ARHGAP17: variants seen among roughly 807,000 people sequenced by gnomAD.
The protein encoded by ARHGAP17 is rho GTPase-activating protein 17.
ARHGAP17 carries 57 observed loss-of-function variants against 99.5 expected under a neutral mutation model. That is an observed-to-expected ratio of 0.57 (90% CI 0.46 to 0.71). The LOEUF is 0.71. Among genes scored for constraint, ARHGAP17 ranks in the 30% least tolerant of loss-of-function variants. The probability of loss-of-function intolerance (pLI) is 0.00; values close to 1 mark genes in which losing one functional copy is unlikely to be tolerated. For missense variants in ARHGAP17, 1,000 were observed against 1,122.4 expected (o/e 0.89, Z 1.56); for synonymous variants, 417 against 429.6 (o/e 0.97, Z 0.36).
rs368706340 is a variant in ARHGAP17, at chr16:24,952,716, T to C, written c.964+215A>G. ...AATATTTGCATTATAAGCTACTCTC[T>C]CTTTTAATCATCAAAATAGAAAAAC... is the stretch of plus-strand genomic sequence containing the variant. On this transcript the variant is annotated intron_variant, in intron 11 of 19. Coordinates refer to ENST00000289968, the MANE Select transcript of ARHGAP17 (RefSeq NM_001006634.3). Among the ~76,000 whole-genome samples, 166 of 152,310 alleles carry C rather than the reference T, an allele frequency of 1.1e-3. 4 individuals are homozygous for C. The highest frequency in any genetic ancestry group is 3.8e-3 in the African/African-American group (157 of 41,572).
In ARHGAP17 at chr16:24,964,201, C is replaced by T; in HGVS notation, c.569G>A (p.Cys190Tyr). 1 of 1,601,712 alleles carries T rather than the reference C, an allele frequency of 6.2e-7. No homozygotes were observed. The highest frequency in any genetic ancestry group is 1.3e-5 in the African/African-American group (1 of 74,624). ...TTTATCAAGGAATTCTCATACCTTG[C>T]ACTGTTCTACTTTATTTCCAGCTTC... ...MDEAGNKVEQ[C>Y]KDQLAADMYN... is the part of the protein sequence containing the mutation. Residue 190 changes from cysteine (C) to tyrosine (Y), a missense_variant, in exon 7 of 20, where the codon TGC (cysteine) becomes TAC (tyrosine). Cys to Tyr is a radical substitution (Grantham distance 194). Around this residue, in one of 2 missense-constraint regions of ARHGAP17, gnomAD observed 472 missense variants for 611.1 expected, o/e 0.77. Coordinates refer to ENST00000289968, the MANE Select transcript of ARHGAP17 (RefSeq NM_001006634.3).
chr16:24,925,194 T>TA (rs2050809373), intron 19 of ARHGAP17, among the ~76,000 whole-genome samples: 1 of 151,960 alleles, frequency 6.6e-6, no homozygotes, highest in Non-Finnish European at 1.5e-5. Context: ...GCCTGGCCAA[T>TA]ATGGCAAAAC....
intron 17 of ARHGAP17, 68 bp from the exon 18 acceptor site, chr16:24,935,707 T>G (rs765503585): frequency 6.6e-7 from 1 of 1,514,528 alleles, no homozygotes; most frequent in South Asian, 1.1e-5. Flanking sequence ...ATACTGCACA[T>G]AAAACATAAG....
intron 10 of ARHGAP17, among the ~76,000 whole-genome samples, 175 bp downstream of exon 10, chr16:24,954,428 G>A (rs1254037662): frequency 6.6e-6 from 1 of 152,196 alleles, no homozygotes; most frequent in African/African-American, 2.4e-5. Context: ...GAACAGGGTT[G>A]CAATTTAAAA....
At chr16:24,937,459 AAAAC>A (rs1405416799) in intron 17 of ARHGAP17, among the ~76,000 whole-genome samples, 2 of 152,070 alleles carry the variant, frequency 1.3e-5, no homozygotes, top group African/African-American at 4.8e-5. Flanking sequence ...ATAAAAATAA[AAAAC>A]AAAACCAAGA....
chr16:24,952,434 T>G (rs2051672105), intron 11 of ARHGAP17, 64 bp from the exon 12 acceptor site: 3 of 1,323,538 alleles, frequency 2.3e-6, no homozygotes, highest in Admixed American at 2.0e-5. Flanking sequence ...TTGGGACATA[T>G]TATTTTGCAA....
chr16:24,920,335 A>G, intron 19 of ARHGAP17, 75 bp from the exon 20 acceptor site: 3 of 1,572,042 alleles, frequency 1.9e-6, no homozygotes, highest in South Asian at 1.1e-5. Flanking sequence ...TGCTCTGAGA[A>G]GAAGAGAGGC....
chr16:25,006,420 A>C (rs1433761012), intron 1 of ARHGAP17, among the ~76,000 whole-genome samples: 2 of 150,946 alleles, frequency 1.3e-5, no homozygotes, highest in Non-Finnish European at 3.0e-5. Flanking sequence ...ACTGCACTCC[A>C]GACTGAGTGA....
chr16:24,920,234 G>A lies in ARHGAP17; in HGVS notation c.2542C>T (p.His848Tyr). 6.2e-7 allele frequency: 1 copy of A among 1,614,116 alleles called. No individual in the cohort carries two copies. Among genetic ancestry groups the A allele is most frequent in the African/African-American group, 1.3e-5 (1 of 75,032 alleles). Reference sequence around the variant, plus strand: ...TGCATTTCAGGAAAGATGCTGCGATGCGGTTCTGAAACCCTGGAATTGGAG... The same window carrying A: ...TGCATTTCAGGAAAGATGCTGCGATACGGTTCTGAAACCCTGGAATTGGAG... ...TDSNSRVSEP[H>Y]RSIFPEMHSD... is the part of the protein sequence containing the mutation. The change falls in exon 20 of 20, where the codon CAT becomes TAT. Residue 848 changes from histidine (H) to tyrosine (Y), a missense_variant. His to Tyr is a moderately conservative substitution (Grantham distance 83). Around this residue, in one of 2 missense-constraint regions of ARHGAP17, gnomAD observed 528 missense variants for 511.4 expected, o/e 1.03. Coordinates refer to ENST00000289968, the MANE Select transcript of ARHGAP17 (RefSeq NM_001006634.3).
chr16:24,962,519 A>T lies in ARHGAP17; in HGVS notation c.573+1678T>A, dbSNP rs2052042257. Among the ~76,000 whole-genome samples, 3 of 152,330 alleles carry T rather than the reference A, an allele frequency of 2.0e-5. No individual in the cohort carries two copies. The South Asian group carries it at 6.2e-4, about 32-fold the overall frequency. The stretch of plus-strand genomic sequence containing the variant: ...GGGTTTAAAGTTTAAATTTACTGAC[A>T]TGTGGTCCCAGAAACCCCAAACTGA... On this transcript the variant is annotated intron_variant, in intron 7 of 19. Transcript: ENST00000289968.
At chr16:24,969,641 C>A (rs1420013804) in intron 4 of ARHGAP17, among the ~76,000 whole-genome samples, 1 of 152,206 alleles carries the variant, frequency 6.6e-6, no homozygotes, top group Non-Finnish European at 1.5e-5. Flanking sequence ...ACACTTATAA[C>A]CATGCTAGCA....
chr16:24,988,770 G>C (rs2052948631), intron 1 of ARHGAP17, among the ~76,000 whole-genome samples: 1 of 152,210 alleles, frequency 6.6e-6, no homozygotes, highest in Admixed American at 6.5e-5. Flanking sequence ...CACGTGGCCT[G>C]TCTCAAAGCT....
At chr16:24,977,532 C>G in intron 2 of ARHGAP17, 1 of 375,216 alleles carries the variant, frequency 2.7e-6, no homozygotes, top group Non-Finnish European at 4.7e-6. Flanking sequence ...ATGAATGATC[C>G]GGGCCCAGAC....
intron 2 of ARHGAP17, among the ~76,000 whole-genome samples, chr16:24,978,654 T>C (rs1308308615): frequency 6.6e-6 from 1 of 151,934 alleles, no homozygotes; most frequent in African/African-American, 2.4e-5. Context: ...TAACAACCTG[T>C]GAGGTGGATA....
chr16:24,995,181 G>A (rs148476415), intron 1 of ARHGAP17, among the ~76,000 whole-genome samples: 8 of 152,304 alleles, frequency 5.3e-5, no homozygotes, highest in African/African-American at 1.2e-4. Flanking sequence ...TCCACGACAC[G>A]TGGGGATTAT....
In ARHGAP17 at chr16:24,930,933, G is replaced by A; in HGVS notation, c.2366C>T (p.Pro789Leu). 1.9e-6 allele frequency: 3 copies of A among 1,614,034 alleles called. No homozygotes were observed. The highest frequency in any genetic ancestry group is 2.2e-5 in the South Asian group (2 of 91,080). ...CGGTCTCGGTAAGGTTCCAGCATGTGGCTGTGCAGTTTCAGGGTTACCCCC... is the reference window on the plus strand; with the variant it reads ...CGGTCTCGGTAAGGTTCCAGCATGTAGCTGTGCAGTTTCAGGGTTACCCCC... Reference protein sequence around the residue: ...LAGGNPETAQPHAGTLPRPRP... With the variant: ...LAGGNPETAQLHAGTLPRPRP... Residue 789 changes from proline to leucine, a missense_variant, in exon 19 of 20, where the codon CCA (proline) becomes CTA (leucine). Pro to Leu is a moderately conservative substitution (Grantham distance 98, BLOSUM62 -3). Around this residue, in one of 2 missense-constraint regions of ARHGAP17, gnomAD observed 528 missense variants for 511.4 expected, o/e 1.03. Coordinates refer to ENST00000289968, the MANE Select transcript of ARHGAP17 (RefSeq NM_001006634.3).
In ARHGAP17 at chr16:24,939,396, T is replaced by G; in HGVS notation, c.1692A>C (p.Ile564=). Residue 564 remains isoleucine (I), a synonymous_variant, in exon 17 of 20, where the codon ATA becomes ATC. Coordinates refer to ENST00000289968, the MANE Select transcript of ARHGAP17 (RefSeq NM_001006634.3). ...CGCCTGGGCTCGGCCCCTGCTCCAG[T>G]ATGCCCGCGGAAGAGGGGACAGTCC... is the stretch of plus-strand genomic sequence containing the variant. ...GGGTVPSSAG[I]LEQGPSPGDG... is the part of the protein sequence containing the mutation. 1 of 1,609,838 alleles carries G rather than the reference T, an allele frequency of 6.2e-7. No individual in the cohort carries two copies. Among genetic ancestry groups the G allele is most frequent in the East Asian group, 2.2e-5 (1 of 44,864 alleles).
intron 1 of ARHGAP17, among the ~76,000 whole-genome samples, chr16:25,008,316 G>A (rs2053558997): frequency 6.6e-6 from 1 of 152,068 alleles, no homozygotes; most frequent in East Asian, 1.9e-4. Flanking sequence ...CTATACTAAT[G>A]TTTGATTATG....
chr16:24,987,130 C>G (rs929233639), intron 1 of ARHGAP17, among the ~76,000 whole-genome samples: 1 of 152,200 alleles, frequency 6.6e-6, no homozygotes, highest in African/African-American at 2.4e-5. Flanking sequence ...GGCTTGCAGA[C>G]CATACTGTCT....
Sources: gnomAD v4.1 joint callset for allele counts (sites outside exome capture counted in the v4.1 genomes callset) on GRCh38, gnomAD v4.1.1 for gene constraint, gnomAD v4.1.1 regional missense constraint, MANE v1.5 for transcripts, NCBI Gene and HGNC (gene_info 2026-07-23, HGNC 2026-07-21) for gene names.